COX10: variants seen among roughly 807,000 people sequenced by gnomAD.
COX10 encodes the protein cytochrome c oxidase assembly factor heme A:farnesyltransferase COX10.
Under a neutral mutation model 37.3 loss-of-function variants are expected in COX10, and 27 were observed. That is an observed-to-expected ratio of 0.72 (90% CI 0.53 to 1.00). COX10 has a LOEUF of 1.00. COX10 is among the 50% of genes least tolerant of loss of function. COX10 has a pLI of 0.00. For missense variants in COX10, 475 were observed against 563.2 expected, an observed-to-expected ratio of 0.84 and a Z score of 1.59; for synonymous variants, 222 against 229.1, an observed-to-expected ratio of 0.97 and a Z score of 0.28.
At chr17:14,166,612 C>CTTTTTT (rs71147845) in intron 5 of COX10, among the ~76,000 whole-genome samples, 1 of 96,530 alleles carries the variant, frequency 1.0e-5, no homozygotes, top group Non-Finnish European at 2.0e-5. Flanking sequence ...TCAATTCGAC[C>CTTTTTT]TTTTTTTTTT....
intron 4 of COX10, among the ~76,000 whole-genome samples, chr17:14,139,710 T>C (rs924047595): frequency 1.3e-5 from 2 of 152,140 alleles, no homozygotes; most frequent in African/African-American, 4.8e-5. Flanking sequence ...TGAAGCCTTA[T>C]ACTTGGAAGG....
rs1381092882 is a variant in COX10 at position 14,102,104 on chromosome 17, T to C, written c.500-14T>C. On this transcript the variant is annotated splice_polypyrimidine_tract_variant and intron_variant, in intron 3 of 6. Coordinates refer to ENST00000261643, the MANE Select transcript of COX10 (RefSeq NM_001303.4). ...TGTTGGTAACAGTGTGTCTGCTCTG[T>C]TTCTGTATCGCAGCTCTGGTTGTAA... 2 of 1,613,400 alleles carry C rather than the reference T, an allele frequency of 1.2e-6. No individual in the cohort carries two copies. Among genetic ancestry groups the C allele is most frequent in the Non-Finnish European group, 1.7e-6 (2 of 1,179,600 alleles).
chr17:14,202,089 T>TC (rs1212965046), intron 6 of COX10, among the ~76,000 whole-genome samples: 1 of 133,486 alleles, frequency 7.5e-6, no homozygotes, highest in Non-Finnish European at 1.7e-5. Flanking sequence ...AACAGATCTC[T>TC]CTCTTTTTTT....
chr17:14,126,354 CT>C (rs1916342881), intron 4 of COX10, among the ~76,000 whole-genome samples: 1 of 152,138 alleles, frequency 6.6e-6, no homozygotes, highest in African/African-American at 2.4e-5. Flanking sequence ...TTCAAACACA[CT>C]TTTTAAAGTT....
At chr17:14,072,736 A>G (rs8074008) in intron 1 of COX10, among the ~76,000 whole-genome samples, 2,805 of 152,324 alleles carry the variant, frequency 0.018, 89 homozygotes, top group African/African-American at 0.064. Context: ...TCTCCAGTCT[A>G]AGAAAATTGT....
rs147772219 is a variant in COX10, at chr17:14,173,176, C to A, written c.695+13229C>A. On this transcript the variant is annotated intron_variant, in intron 5 of 6. Transcript: ENST00000261643. ...CAGAGGTGAACAAAACAGAAAAATT[C>A]TTGCTGTCGTGGAGCTTGCATGCTA... 5.6e-3 allele frequency among the ~76,000 whole-genome samples: 856 copies of A among 152,220 alleles called. 8 individuals carry two copies. The highest frequency in any genetic ancestry group is 0.019 in the African/African-American group (788 of 41,528).
chr17:14,112,461 A>G (rs1410869167), intron 4 of COX10, among the ~76,000 whole-genome samples: 2 of 152,196 alleles, frequency 1.3e-5, no homozygotes, highest in African/African-American at 4.8e-5. Flanking sequence ...ATTTTCTGGA[A>G]GGATCCATGT....
Position 14,074,376 on chromosome 17 carries a change from C to A in COX10, c.97C>A (p.Pro33Thr). ...TGAAAGAAGAACTATACAGGACTCCCCTCACAAGTTCTTACATCTTCTCAG... is the reference window on the plus strand; with the variant it reads ...TGAAAGAAGAACTATACAGGACTCCACTCACAAGTTCTTACATCTTCTCAG... ...YLERRTIQDS[P>T]HKFLHLLRNV... is the part of the protein sequence containing the mutation. Residue 33 changes from proline (P) to threonine (T), a missense_variant, in exon 2 of 7, where the codon CCT (proline) becomes ACT (threonine). Transcript: ENST00000261643. 1.2e-6 allele frequency: 2 copies of A among 1,613,948 alleles called. No homozygotes were observed. Among genetic ancestry groups the A allele is most frequent in the Non-Finnish European group, 1.7e-6 (2 of 1,179,856 alleles).
chr17:14,148,261 A>G (rs1904788568), intron 4 of COX10, among the ~76,000 whole-genome samples: 1 of 152,140 alleles, frequency 6.6e-6, no homozygotes, highest in African/African-American at 2.4e-5. Flanking sequence ...TCATGGGGGA[A>G]AATCAATGGG....
chr17:14,081,649 A>G (rs992636680), intron 3 of COX10, among the ~76,000 whole-genome samples: 3 of 152,186 alleles, frequency 2.0e-5, no homozygotes, highest in Admixed American at 6.5e-5. Flanking sequence ...CAGTTTACCC[A>G]TCTGTAAACT....
chr17:14,163,455 C>T (rs1324528523), intron 5 of COX10, among the ~76,000 whole-genome samples: 1 of 151,966 alleles, frequency 6.6e-6, no homozygotes, highest in Admixed American at 6.6e-5. Flanking sequence ...TGGGTTTCAC[C>T]GTGTTGGCCA....
intron 3 of COX10, among the ~76,000 whole-genome samples, chr17:14,088,053 G>T (rs2142190551): frequency 6.6e-6 from 1 of 152,232 alleles, no homozygotes; most frequent in African/African-American, 2.4e-5. Context: ...GGGACTTTCT[G>T]GGGAGTGGGC....
chr17:14,091,128 T>G (rs1597496728), intron 3 of COX10, among the ~76,000 whole-genome samples: 1 of 152,228 alleles, frequency 6.6e-6, no homozygotes, highest in Non-Finnish European at 1.5e-5. Flanking sequence ...AGTTACTTGG[T>G]CTGCTTTTCA....
At chr17:14,206,102 A>G (rs1906690205) in intron 6 of COX10, among the ~76,000 whole-genome samples, 1 of 152,044 alleles carries the variant, frequency 6.6e-6, no homozygotes, top group Non-Finnish European at 1.5e-5. Flanking sequence ...TGGTGAGAGG[A>G]ATGTGGCAGG....
intron 3 of COX10, among the ~76,000 whole-genome samples, chr17:14,087,043 G>T (rs1915424492): frequency 6.6e-6 from 1 of 152,050 alleles, no homozygotes; most frequent in African/African-American, 2.4e-5. Flanking sequence ...TTGTTTCATG[G>T]GGTTAGGTTT....
At chr17:14,201,103 G>A (rs753694561) in intron 6 of COX10, among the ~76,000 whole-genome samples, 5 of 152,170 alleles carry the variant, frequency 3.3e-5, no homozygotes, top group African/African-American at 9.6e-5. Flanking sequence ...CAATAAAAAT[G>A]GACTGCTTTA....
At position 14,074,438 on chromosome 17, in the gene COX10, T is replaced by C; in HGVS notation, c.159T>C (p.Phe53=). 5 of 1,613,932 alleles carry C rather than the reference T, an allele frequency of 3.1e-6. No individual in the cohort carries two copies. Among genetic ancestry groups the C allele is most frequent in the Non-Finnish European group, 4.2e-6 (5 of 1,179,804 alleles). ...VNKQWITFQH[F]SFLKRMYVTQ... is the part of the protein sequence containing the mutation. ...AGCAGTGGATTACATTTCAGCACTT[T>C]AGCTTCCTCAAACGCATGGTATGTT... The change falls in exon 2 of 7, where the codon TTT becomes TTC. Residue 53 remains phenylalanine, a synonymous_variant. Transcript: ENST00000261643.
chr17:14,173,361 A>G (rs1905543237), intron 5 of COX10, among the ~76,000 whole-genome samples: 2 of 152,262 alleles, frequency 1.3e-5, no homozygotes, highest in East Asian at 1.9e-4. Flanking sequence ...TGAGAAGGCC[A>G]TTCGGACAGG....
intron 4 of COX10, among the ~76,000 whole-genome samples, chr17:14,121,786 GA>G (rs1916235901): frequency 6.6e-6 from 1 of 152,158 alleles, no homozygotes; most frequent in African/African-American, 2.4e-5. Flanking sequence ...TTATGTGGTG[GA>G]AAGTGGTAGT....
Sources: allele counts gnomAD v4.1 joint callset (sites outside exome capture counted in the v4.1 genomes callset), GRCh38; gene constraint gnomAD v4.1.1; transcripts MANE v1.5; gene names NCBI Gene and HGNC (gene_info 2026-07-23, HGNC 2026-07-21).